COL6A3: variants seen among roughly 807,000 people sequenced by gnomAD.
The protein encoded by COL6A3 is collagen alpha-3(VI) chain.
In COL6A3, 137 loss-of-function variants were observed where a neutral mutation model predicts 274.1. That is an observed-to-expected ratio of 0.50 (90% CI 0.44 to 0.58). COL6A3 has a LOEUF of 0.58. COL6A3 is among the 20% of genes least tolerant of loss of function. The probability of loss-of-function intolerance (pLI) is 0.00; values close to 1 mark genes in which losing one functional copy is unlikely to be tolerated. For synonymous variants in COL6A3, 1,650 were observed against 1,650.6 expected (o/e 1.00, Z 0.01); for missense variants, 3,950 against 4,124.9 (o/e 0.96, Z 1.16).
At chr2:237,393,371 A>G (rs1398269097) in intron 3 of COL6A3, among the ~76,000 whole-genome samples, 1 of 152,104 alleles carries the variant, frequency 6.6e-6, no homozygotes, top group Non-Finnish European at 1.5e-5. Flanking sequence ...AATAACTTCA[A>G]TCCCTCCAAG....
intron 3 of COL6A3, among the ~76,000 whole-genome samples, chr2:237,390,564 A>G (rs1245236725): frequency 6.6e-6 from 1 of 152,212 alleles, no homozygotes; most frequent in African/African-American, 2.4e-5. Context: ...TTCTGCTTCT[A>G]TGCTTTATGT....
rs78011678 is a variant in COL6A3 at position 237,369,853 on chromosome 2, T to C, written c.4286-676A>G. ...TTTCCTTTTCTTTCTTTTTTTTTTT[T>C]CTGAGACATGGTCTCTTTCTATCTC... On this transcript the variant is annotated intron_variant, in intron 9 of 43. Coordinates refer to ENST00000295550, the MANE Select transcript of COL6A3 (RefSeq NM_004369.4). Among the ~76,000 whole-genome samples, 20 of 152,028 alleles carry C rather than the reference T, an allele frequency of 1.3e-4. No individual in the cohort carries two copies. The Middle Eastern group carries it at 0.01, about 78-fold the overall frequency.
intron 1 of COL6A3, among the ~76,000 whole-genome samples, chr2:237,405,609 C>A (rs2078700656): frequency 6.6e-6 from 1 of 152,050 alleles, no homozygotes; most frequent in Admixed American, 6.5e-5. Flanking sequence ...GGCTGATTTC[C>A]CTCCATTTTA....
intron 20 of COL6A3, 72 bp from the exon 21 acceptor site, chr2:237,358,655 C>A: frequency 1.5e-6 from 2 of 1,295,618 alleles, no homozygotes; most frequent in South Asian, 2.4e-5. Context: ...AAATCACATT[C>A]TTCAACTCAT....
In COL6A3 at chr2:237,333,494, A is replaced by G. The variant is rs1064796356; in HGVS notation, c.9284T>C (p.Ile3095Thr). The G allele has an allele frequency of 1.9e-6, 3 of 1,614,068 alleles. No individual in the cohort carries two copies. The African/African-American group carries it at 4.0e-5, about 22-fold the overall frequency. Reference sequence around the variant, plus strand: ...TGGTTCTGTGCTCACCATTAGATTGATGGTTGAACTAGAAGCTGACCTTGC... The same window carrying G: ...TGGTTCTGTGCTCACCATTAGATTGGTGGTTGAACTAGAAGCTGACCTTGC... ...QPARSASSST[I>T]NLMVSTEPLA... is the part of the protein sequence containing the mutation. Residue 3095 changes from isoleucine (I) to threonine (T), a missense_variant, in exon 42 of 44, where the codon ATC becomes ACC. By Grantham distance (89) the Ile-to-Thr change is moderately conservative. This residue lies in a region of COL6A3 where 1,284 missense variants were observed against 1,349.7 expected (regional missense o/e 0.95). Coordinates refer to ENST00000295550, the MANE Select transcript of COL6A3 (RefSeq NM_004369.4).
At chr2:237,378,579 C>G in intron 6 of COL6A3, 57 bp downstream of exon 6, 1 of 1,611,560 alleles carries the variant, frequency 6.2e-7, no homozygotes, top group South Asian at 1.1e-5. Flanking sequence ...GGCAAACTAC[C>G]CTCCAGGGTG....
intron 2 of COL6A3, among the ~76,000 whole-genome samples, chr2:237,395,460 T>C (rs2078414848): frequency 6.6e-6 from 1 of 152,156 alleles, no homozygotes; most frequent in South Asian, 2.1e-4. Context: ...AGTAGCATGC[T>C]CCAGATTGGG....
intron 1 of COL6A3, among the ~76,000 whole-genome samples, chr2:237,399,089 T>G (rs2078524879): frequency 6.6e-6 from 1 of 152,224 alleles, no homozygotes; most frequent in African/African-American, 2.4e-5. Flanking sequence ...CAATAGCACC[T>G]GCCACACTGA....
Position 237,351,181 on chromosome 2 carries a change from A to T in COL6A3, c.6765T>A (p.Gly2255=), listed in dbSNP as rs2077198823. The part of the protein sequence containing the change: ...QGISGPRGSG[G]AAGAPGERGR... Reference sequence around the variant, plus strand: ...CTCGTTCTCCAGGAGCACCAGCGGCACCTCCGCTTCCCTGGAGCAGGAGGG... The same window carrying T: ...CTCGTTCTCCAGGAGCACCAGCGGCTCCTCCGCTTCCCTGGAGCAGGAGGG... Residue 2255 remains glycine (G), a synonymous_variant, in exon 27 of 44, where the codon GGT becomes GGA. Coordinates refer to ENST00000295550, the MANE Select transcript of COL6A3 (RefSeq NM_004369.4). 1 of 1,613,964 alleles carries T rather than the reference A, an allele frequency of 6.2e-7. No individual in the cohort carries two copies. The highest frequency in any genetic ancestry group is 1.3e-5 in the African/African-American group (1 of 74,882).
intron 22 of COL6A3, 48 bp downstream of exon 22, chr2:237,357,769 T>C (rs758038178): frequency 3.0e-5 from 48 of 1,590,756 alleles, no homozygotes; most frequent in Non-Finnish European, 4.1e-5. Flanking sequence ...GTGTGTCCTT[T>C]CTCTTGCCCT....
chr2:237,371,363 G>A lies in COL6A3; in HGVS notation c.4285+369C>T, dbSNP rs558170819. ...TGTAATCCCAGCACTTTGGGAGGCC[G>A]CAGCAGGTGGATCACTTGAGCTCAG... On this transcript the variant is annotated intron_variant, in intron 9 of 43. Transcript: ENST00000295550. The surrounding 1 kb of genome is among the most constrained non-coding windows in gnomAD (Gnocchi z 4.3). Among the ~76,000 whole-genome samples the A allele has an allele frequency of 6.6e-5, 10 of 152,088 alleles. No homozygotes were observed. Among genetic ancestry groups the A allele is most frequent in the Admixed American group, 2.0e-4 (3 of 15,280 alleles).
At chr2:237,366,060 G>T in intron 11 of COL6A3, 25 bp from the exon 12 acceptor site, 1 of 1,603,364 alleles carries the variant, frequency 6.2e-7, no homozygotes, top group South Asian at 1.1e-5. Context: ...TGCAGGTGAT[G>T]AGTTCTCAGC....
chr2:237,361,537 G>A lies in COL6A3; in HGVS notation c.6156+202C>T, dbSNP rs1347998795. Among the ~76,000 whole-genome samples the A allele has an allele frequency of 6.6e-6, 1 of 152,160 alleles. No individual in the cohort carries two copies. Among genetic ancestry groups the A allele is most frequent in the African/African-American group, 2.4e-5 (1 of 41,442 alleles). Reference sequence around the variant, plus strand: ...TTATCCTGTGCAAAAGGAGGGTCCCGCCTGAACCATCTTCACTGGAACAGG... The same window carrying A: ...TTATCCTGTGCAAAAGGAGGGTCCCACCTGAACCATCTTCACTGGAACAGG... On this transcript the variant is annotated intron_variant, in intron 15 of 43. Coordinates refer to ENST00000295550, the MANE Select transcript of COL6A3 (RefSeq NM_004369.4). This position sits in a 1 kb window ranked among gnomAD's most constrained non-coding sequence, Gnocchi z 5.1.
At chr2:237,359,899 TCCCCAC>T (rs532901474) in intron 17 of COL6A3, among the ~76,000 whole-genome samples, 183 bp downstream of exon 17, 23 of 152,210 alleles carry the variant, frequency 1.5e-4, no homozygotes, top group Non-Finnish European at 2.9e-4. Context: ...ATTCTCAGGC[TCCCCAC>T]CAGCTGCAGC....
chr2:237,357,517 T>C, intron 22 of COL6A3, 126 bp from the exon 23 acceptor site: 1 of 919,590 alleles, frequency 1.1e-6, no homozygotes, highest in Non-Finnish European at 1.8e-6. Flanking sequence ...TGCAGGACAG[T>C]TGCACACTTT....
At chr2:237,398,607 C>T (rs371460969) in intron 1 of COL6A3, among the ~76,000 whole-genome samples, 15 of 152,320 alleles carry the variant, frequency 9.8e-5, no homozygotes, top group South Asian at 4.1e-4. Flanking sequence ...AGACCACAGA[C>T]GGGGCTGCCC....
intron 28 of COL6A3, 59 bp from the exon 29 acceptor site, chr2:237,348,722 G>C: frequency 6.7e-7 from 1 of 1,483,240 alleles, no homozygotes; most frequent in Non-Finnish European, 9.4e-7. Context: ...CATAACCACC[G>C]TCTCTGCCCT....
chr2:237,361,723 G>T lies in COL6A3; in HGVS notation c.6156+16C>A, dbSNP rs779455691. ...ACACCTCATCTCAGGCGTGGGCAAG[G>T]GTAAAGCCACCGTACCTTTGGCCCG... On this transcript the variant is annotated intron_variant, in intron 15 of 43. Transcript: ENST00000295550. This position sits in a 1 kb window ranked among gnomAD's most constrained non-coding sequence, Gnocchi z 5.1. The T allele has an allele frequency of 6.2e-7, 1 of 1,612,704 alleles. No individual in the cohort carries two copies. The highest frequency in any genetic ancestry group is 8.5e-7 in the Non-Finnish European group (1 of 1,178,814).
intron 19 of COL6A3, 33 bp downstream of exon 19, chr2:237,359,173 A>C (rs895107860): frequency 2.3e-5 from 37 of 1,614,168 alleles, no homozygotes; most frequent in Non-Finnish European, 3.1e-5. Context: ...TTCAGAACCA[A>C]AAGCAGTTTG....
Sources: gnomAD v4.1 joint callset for allele counts (sites outside exome capture counted in the v4.1 genomes callset) on GRCh38, gnomAD v4.1.1 for gene constraint, gnomAD v4.1.1 regional missense constraint, Gnocchi (gnomAD v3.1) non-coding constraint, MANE v1.5 for transcripts, NCBI Gene and HGNC (gene_info 2026-07-23, HGNC 2026-07-21) for gene names.